Variants in FRS2 observed in about 807,000 individuals in gnomAD.
FRS2 encodes the protein fibroblast growth factor receptor substrate 2, also known as FGFR signalling adaptor.
Under a neutral mutation model 43.9 loss-of-function variants are expected in FRS2, and 8 were observed. The observed-to-expected ratio is 0.18, with a 90% confidence interval of 0.11 to 0.33. The LOEUF is 0.33. Among genes scored for constraint, FRS2 ranks in the 10% least tolerant of loss-of-function variants. The pLI is 1.00. For synonymous variants in FRS2, 219 were observed against 220.3 expected, an observed-to-expected ratio of 0.99 and a Z score of 0.05; for missense variants, 534 against 627.6, an observed-to-expected ratio of 0.85 and a Z score of 1.59.
rs533936313 is a variant in FRS2 at position 69,526,481 on chromosome 12, G to A, written c.-260-4384G>A. On this transcript the variant is annotated intron_variant, in intron 1 of 8. Coordinates refer to ENST00000549921, the MANE Select transcript of FRS2 (RefSeq NM_001278356.2). ...TCCTACACAATATTTTTTCATTAAT[G>A]ACACTTATAAAATCAGATGCTATTG... is the stretch of plus-strand genomic sequence containing the variant. Among the ~76,000 whole-genome samples the A allele has an allele frequency of 1.6e-3, 238 of 151,166 alleles. 1 individual carries two copies. Among genetic ancestry groups the A allele is most frequent in the African/African-American group, 5.4e-3 (222 of 41,298 alleles).
intron 1 of FRS2, among the ~76,000 whole-genome samples, chr12:69,475,049 G>A (rs981791056): frequency 1.3e-5 from 2 of 152,064 alleles, no homozygotes; most frequent in African/African-American, 4.8e-5. Context: ...ACATATGAAA[G>A]TTACATATTT....
intron 3 of FRS2, among the ~76,000 whole-genome samples, chr12:69,556,485 A>G (rs1481454765): frequency 6.6e-6 from 1 of 152,042 alleles, no homozygotes; most frequent in Non-Finnish European, 1.5e-5. Context: ...GGCATGTACC[A>G]TCGCACCCGG....
At chr12:69,474,578 TA>T (rs1870595808) in intron 1 of FRS2, among the ~76,000 whole-genome samples, 2 of 152,208 alleles carry the variant, frequency 1.3e-5, no homozygotes, top group African/African-American at 2.4e-5. Flanking sequence ...ATCTGATCAT[TA>T]AAAATCCAAT....
At chr12:69,533,491 C>T (rs887136051) in intron 3 of FRS2, among the ~76,000 whole-genome samples, 17 of 151,944 alleles carry the variant, frequency 1.1e-4, no homozygotes, top group African/African-American at 3.4e-4. Context: ...CTGGGATTAC[C>T]GGCACGCACC....
intron 1 of FRS2, among the ~76,000 whole-genome samples, chr12:69,527,343 A>ATTTTT (rs1166365306): frequency 0.01 from 875 of 84,194 alleles, 57 homozygotes; most frequent in African/African-American, 0.033. Context: ...TTTTTTAATG[A>ATTTTT]TTTTTTTTTT....
At chr12:69,556,424 C>T (rs1484897718) in intron 3 of FRS2, among the ~76,000 whole-genome samples, 1 of 151,950 alleles carries the variant, frequency 6.6e-6, no homozygotes, top group Non-Finnish European at 1.5e-5. Context: ...CCTCCACCTC[C>T]CAGGGTCAAG....
chr12:69,481,355 A>G (rs1166995916), intron 1 of FRS2, among the ~76,000 whole-genome samples: 5 of 150,692 alleles, frequency 3.3e-5, no homozygotes, highest in Admixed American at 2.0e-4. Flanking sequence ...ATCACAACTC[A>G]TTACAACCTT....
At chr12:69,545,525 A>C (rs1035714311) in intron 3 of FRS2, among the ~76,000 whole-genome samples, 6 of 152,144 alleles carry the variant, frequency 3.9e-5, no homozygotes, top group Admixed American at 3.3e-4. Context: ...TGGGAGGCCA[A>C]GGTGGGTGAA....
intron 1 of FRS2, among the ~76,000 whole-genome samples, chr12:69,480,938 T>C (rs961185725): frequency 6.6e-6 from 1 of 152,098 alleles, no homozygotes. Context: ...TTATGTTAGT[T>C]TTGCAGAGTG....
chr12:69,573,945 C>G (rs777318273), intron 8 of FRS2, 60 bp from the exon 9 acceptor site: 5 of 1,134,432 alleles, frequency 4.4e-6, no homozygotes, highest in African/African-American at 3.1e-5. Context: ...TGTGGTCAGG[C>G]TTTTTTTCAG....
rs371855261 is a variant in FRS2, at chr12:69,553,055, ATTTTTG to A, written c.-121-9101_-121-9096del. 6.7e-3 allele frequency among the ~76,000 whole-genome samples: 1,011 copies of A among 151,760 alleles called. 12 individuals carry two copies. The highest frequency in any genetic ancestry group is 0.023 in the African/African-American group (936 of 41,212). On this transcript the variant is annotated intron_variant, in intron 3 of 8. Coordinates refer to ENST00000549921, the MANE Select transcript of FRS2 (RefSeq NM_001278356.2). ...AACTCAGAACAGGCCACTTAGAGCT[ATTTTTG>A]TTTTTGTTTTTGTTTTTGTTTTTAG...
chr12:69,473,686 T>C (rs1210520543), intron 1 of FRS2, among the ~76,000 whole-genome samples: 1 of 152,056 alleles, frequency 6.6e-6, no homozygotes, highest in Non-Finnish European at 1.5e-5. Context: ...GTGTGCAGAA[T>C]GATTTGATGT....
At chr12:69,556,018 G>GGA (rs1250756456) in intron 3 of FRS2, among the ~76,000 whole-genome samples, 1 of 143,476 alleles carries the variant, frequency 7.0e-6, no homozygotes, top group Non-Finnish European at 1.5e-5. Context: ...CGGGGGGGGG[G>GGA]GCGGTGTACA....
At chr12:69,552,033 C>T (rs748065705) in intron 3 of FRS2, among the ~76,000 whole-genome samples, 7 of 151,948 alleles carry the variant, frequency 4.6e-5, no homozygotes, top group Middle Eastern at 3.4e-3. Context: ...TGGCCGGGCA[C>T]GGTGGCTCAT....
chr12:69,486,782 A>G (rs541032724), intron 1 of FRS2, among the ~76,000 whole-genome samples: 1 of 152,344 alleles, frequency 6.6e-6, no homozygotes, highest in South Asian at 2.1e-4. Context: ...AATGGCCTGA[A>G]TAGAAGATCA....
intron 1 of FRS2, among the ~76,000 whole-genome samples, chr12:69,487,425 A>G (rs754548559): frequency 6.6e-6 from 1 of 152,234 alleles, no homozygotes; most frequent in Non-Finnish European, 1.5e-5. Context: ...GAATGGAACA[A>G]TAAAGTCTGG....
intron 1 of FRS2, among the ~76,000 whole-genome samples, chr12:69,488,897 T>G (rs1565719980): frequency 1.3e-5 from 2 of 152,222 alleles, no homozygotes. Context: ...AAGAAAGTGG[T>G]CTGCTTAGAA....
At chr12:69,475,129 TAG>T (rs910897950) in intron 1 of FRS2, among the ~76,000 whole-genome samples, 9 of 152,194 alleles carry the variant, frequency 5.9e-5, no homozygotes, top group African/African-American at 2.2e-4. Context: ...GGTATTTAAA[TAG>T]GGGGAACTTG....
intron 3 of FRS2, among the ~76,000 whole-genome samples, chr12:69,542,013 C>T (rs959767426): frequency 1.3e-5 from 2 of 151,834 alleles, no homozygotes; most frequent in Non-Finnish European, 2.9e-5. Context: ...AATAATTTTT[C>T]CTCACACACT....
Sources: gnomAD v4.1 joint callset for allele counts (sites outside exome capture counted in the v4.1 genomes callset) on GRCh38, gnomAD v4.1.1 for gene constraint, MANE v1.5 for transcripts, NCBI Gene and HGNC (gene_info 2026-07-23, HGNC 2026-07-21) for gene names.